DTNA: variants seen among roughly 807,000 people sequenced by gnomAD.
The protein encoded by DTNA is dystrobrevin alpha, also known as dystrophin-related protein 3.
Under a neutral mutation model 100.7 loss-of-function variants are expected in DTNA, and 43 were observed. That is an observed-to-expected ratio of 0.43 (90% CI 0.33 to 0.55). DTNA has a LOEUF of 0.55. DTNA is among the 20% of genes least tolerant of loss of function. DTNA has a pLI of 0.04. For missense variants in DTNA, 798 were observed against 953.9 expected, an observed-to-expected ratio of 0.84 and a Z score of 2.15; for synonymous variants, 349 against 347.9, an observed-to-expected ratio of 1.00 and a Z score of -0.04.
intron 17 of DTNA, among the ~76,000 whole-genome samples, chr18:34,864,434 T>A (rs1017157494): frequency 1.5e-4 from 23 of 152,094 alleles, no homozygotes; most frequent in African/African-American, 4.8e-4. Flanking sequence ...TTTGTATTTT[T>A]AGTAGAGACG....
chr18:34,747,104 C>CTATCTATATATATA lies in DTNA; in HGVS notation c.-1-8869_-1-8868insCTATATATATATAT, dbSNP rs1041438583. On this transcript the variant is annotated intron_variant, in intron 1 of 22. Coordinates refer to ENST00000444659, the MANE Select transcript of DTNA (RefSeq NM_001386795.1). Reference sequence around the variant, plus strand: ...CCCATATCTATATCTATATCTGTATCTATATATATATATATATGTTTATGT... The same window carrying CTATCTATATATATA: ...CCCATATCTATATCTATATCTGTATCTATCTATATATATATATATATATATATATATGTTTATGT... Among the ~76,000 whole-genome samples, 261 of 148,310 alleles carry CTATCTATATATATA rather than the reference C, an allele frequency of 1.8e-3. 2 individuals carry two copies. Among genetic ancestry groups the CTATCTATATATATA allele is most frequent in the African/African-American group, 5.7e-3 (227 of 39,850 alleles).
intron 18 of DTNA, among the ~76,000 whole-genome samples, chr18:34,876,668 T>G (rs1476417311): frequency 6.6e-6 from 1 of 152,180 alleles, no homozygotes; most frequent in Non-Finnish European, 1.5e-5. Flanking sequence ...CTCTCGTCCA[T>G]GTAGAGGGGT....
intron 1 of DTNA, among the ~76,000 whole-genome samples, chr18:34,501,635 G>A (rs777652052): frequency 7.2e-5 from 11 of 152,054 alleles, no homozygotes; most frequent in Admixed American, 5.2e-4. Context: ...TACGGGACTC[G>A]ATTTCTTTAA....
chr18:34,626,257 A>T (rs533835284), intron 1 of DTNA, among the ~76,000 whole-genome samples: 6 of 152,324 alleles, frequency 3.9e-5, no homozygotes, highest in African/African-American at 1.4e-4. Context: ...CTTATAAGTA[A>T]GACTCAGAAG....
chr18:34,692,657 A>G (rs1197675669), intron 1 of DTNA, among the ~76,000 whole-genome samples: 1 of 152,230 alleles, frequency 6.6e-6, no homozygotes, highest in African/African-American at 2.4e-5. Context: ...TGCTAAAATT[A>G]GCATTATTTC....
At chr18:34,624,670 T>C (rs2057059604) in intron 1 of DTNA, among the ~76,000 whole-genome samples, 1 of 152,228 alleles carries the variant, frequency 6.6e-6, no homozygotes, top group Non-Finnish European at 1.5e-5. Context: ...TGTTAAATTC[T>C]TTTTATAAAC....
intron 1 of DTNA, among the ~76,000 whole-genome samples, chr18:34,697,675 G>A (rs1257353389): frequency 6.6e-6 from 1 of 152,168 alleles, no homozygotes; most frequent in Admixed American, 6.5e-5. Context: ...GGATTTGATT[G>A]TATGAAATAG....
At chr18:34,861,962 T>C (rs1265884086) in intron 16 of DTNA, among the ~76,000 whole-genome samples, 1 of 152,136 alleles carries the variant, frequency 6.6e-6, no homozygotes, top group African/African-American at 2.4e-5. Flanking sequence ...CCTACAGTTT[T>C]AGAAGGTTGC....
intron 16 of DTNA, among the ~76,000 whole-genome samples, chr18:34,861,469 G>C (rs926551652): frequency 3.4e-5 from 4 of 118,708 alleles, no homozygotes; most frequent in Non-Finnish European, 6.5e-5. Context: ...CTGGGCGACT[G>C]AGCGAGACTC....
chr18:34,587,148 AT>A lies in DTNA; in HGVS notation c.-2+93646del, dbSNP rs773119244. ...AGGTAAATGCCACCATGCCTGGCTA[AT>A]TTTTTTTTTTTGTAGAGATGGGGTC... is the stretch of plus-strand genomic sequence containing the variant. On this transcript the variant is annotated intron_variant, in intron 1 of 19. Transcript: ENST00000283365. 3.2e-3 allele frequency among the ~76,000 whole-genome samples: 465 copies of A among 145,158 alleles called. 4 individuals are homozygous for A. Among genetic ancestry groups the A allele is most frequent in the African/African-American group, 8.9e-3 (351 of 39,574 alleles).
In DTNA at chr18:34,853,967, A is replaced by C. The variant is rs1023332212; in HGVS notation, c.1532+2039A>C. 2.6e-5 allele frequency among the ~76,000 whole-genome samples: 4 copies of C among 152,284 alleles called. 1 individual carries two copies. Among genetic ancestry groups the C allele is most frequent in the East Asian group, 1.9e-4 (1 of 5,188 alleles). On this transcript the variant is annotated intron_variant, in intron 15 of 22. Transcript: ENST00000444659. ...TTTAAAAAGGTAGGAGAAACAACCC[A>C]AAAAAAGGAAAAGGGTAGTTGGGGG...
At chr18:34,668,261 T>C (rs1358170475) in intron 1 of DTNA, among the ~76,000 whole-genome samples, 1 of 152,198 alleles carries the variant, frequency 6.6e-6, no homozygotes, top group Non-Finnish European at 1.5e-5. Flanking sequence ...TCTGTGGGAT[T>C]GGTGGTTATA....
At position 34,716,610 on chromosome 18, in the gene DTNA, G is replaced by A. The variant is rs188257658; in HGVS notation, c.-2+6165G>A. On this transcript the variant is annotated intron_variant, in intron 1 of 22. Transcript: ENST00000444659. ...AAAGCTGCAAGAAGTCATAGACATGGCTATATGCTGGTCTAACTGTTGACT... is the reference window on the plus strand; with the variant it reads ...AAAGCTGCAAGAAGTCATAGACATGACTATATGCTGGTCTAACTGTTGACT... Among the ~76,000 whole-genome samples the A allele has an allele frequency of 2.2e-3, 329 of 152,254 alleles. 3 individuals carry two copies. The highest frequency in any genetic ancestry group is 2.1e-3 in the Non-Finnish European group (141 of 68,006).
chr18:34,516,194 A>G (rs542548509), intron 1 of DTNA, among the ~76,000 whole-genome samples: 4 of 152,272 alleles, frequency 2.6e-5, no homozygotes, highest in East Asian at 1.9e-4. Context: ...GGAAGGCATC[A>G]CATATCGGCA....
At chr18:34,600,153 TA>T (rs1472926323) in intron 1 of DTNA, among the ~76,000 whole-genome samples, 1 of 152,202 alleles carries the variant, frequency 6.6e-6, no homozygotes, top group Non-Finnish European at 1.5e-5. Flanking sequence ...GATACTTATG[TA>T]ACAGAAGAGC....
intron 13 of DTNA, 148 bp downstream of exon 13, chr18:34,838,985 A>G: frequency 1.4e-6 from 1 of 725,048 alleles, no homozygotes; most frequent in Non-Finnish European, 2.5e-6. Context: ...GTCTCTCGTG[A>G]TGTTAGTTTG....
intron 3 of DTNA, among the ~76,000 whole-genome samples, chr18:34,788,323 T>G (rs1486161186): frequency 6.6e-6 from 1 of 152,236 alleles, no homozygotes; most frequent in Non-Finnish European, 1.5e-5. Context: ...CTTATGTTAC[T>G]TAAATTTCTC....
chr18:34,741,546 A>G (rs903118666), intron 1 of DTNA, among the ~76,000 whole-genome samples: 4 of 152,176 alleles, frequency 2.6e-5, no homozygotes, highest in Admixed American at 6.5e-5. Flanking sequence ...GCTTATGTCA[A>G]TGGTAACTTT....
chr18:34,565,571 C>T (rs1420025566), intron 1 of DTNA, among the ~76,000 whole-genome samples: 1 of 152,194 alleles, frequency 6.6e-6, no homozygotes, highest in East Asian at 1.9e-4. Context: ...TGGGTGGTTC[C>T]TCCCTTGCCT....
Sources: gnomAD v4.1 joint callset for allele counts (sites outside exome capture counted in the v4.1 genomes callset) on GRCh38, gnomAD v4.1.1 for gene constraint, MANE v1.5 for transcripts, NCBI Gene and HGNC (gene_info 2026-07-23, HGNC 2026-07-21) for gene names.